Variants in CIB3 observed in about 807,000 individuals in gnomAD.
CIB3 encodes the protein calcium and integrin binding family member 3.
A neutral mutation model predicts 23.4 loss-of-function variants in CIB3; 22 were observed. The observed-to-expected ratio is 0.94, with a 90% confidence interval of 0.67 to 1.34. The LOEUF (loss-of-function observed/expected upper bound fraction) is 1.34, where lower values mean the gene tolerates loss of function less well. Ranked by LOEUF, CIB3 falls within the 40% of genes most tolerant of loss-of-function variation. The pLI is 0.00. For synonymous variants in CIB3, 93 were observed against 95.8 expected (o/e 0.97, Z 0.17); for missense variants, 258 against 247.3 (o/e 1.04, Z -0.29).
intron 2 of CIB3, 41 bp from the exon 3 acceptor site, chr19:16,169,782 G>A (rs1226793136): frequency 7.2e-6 from 11 of 1,531,522 alleles, no homozygotes; most frequent in Non-Finnish European, 9.7e-6. Context: ...CTGGGAGCAG[G>A]GAGCAGGCAA....
intron 2 of CIB3, among the ~76,000 whole-genome samples, chr19:16,172,473 C>T (rs958237404): frequency 4.6e-5 from 7 of 151,772 alleles, no homozygotes; most frequent in South Asian, 4.2e-4. Context: ...ATCTTTCTAA[C>T]GTGCTGATGG....
At chr19:16,173,109 A>G (rs2091336686) in intron 2 of CIB3, 53 bp downstream of exon 2, 1 of 1,607,888 alleles carries the variant, frequency 6.2e-7, no homozygotes, top group African/African-American at 1.3e-5. Context: ...TCCTCCAGCA[A>G]TGAATAGAAA....
chr19:16,161,764 G>A (rs2091285979), intron 5 of CIB3, among the ~76,000 whole-genome samples: 1 of 133,594 alleles, frequency 7.5e-6, no homozygotes, highest in Non-Finnish European at 1.5e-5. Context: ...TGCAACCTCT[G>A]CCTCCTGGGT....
At chr19:16,166,073 C>CCT (rs2091304618) in intron 4 of CIB3, among the ~76,000 whole-genome samples, 1 of 152,132 alleles carries the variant, frequency 6.6e-6, no homozygotes, top group Admixed American at 6.6e-5. Flanking sequence ...GGGTAGATCA[C>CCT]CTAAGGTCAG....
chr19:16,162,623 G>A (rs1303953192), intron 5 of CIB3, among the ~76,000 whole-genome samples: 3 of 151,774 alleles, frequency 2.0e-5, no homozygotes, highest in Non-Finnish European at 4.4e-5. Flanking sequence ...GCGTGGTGGC[G>A]GGCGCCTGTA....
chr19:16,164,736 C>T lies in CIB3; in HGVS notation c.524G>A (p.Arg175Gln), dbSNP rs761552234. The T allele has an allele frequency of 1.2e-5, 20 of 1,613,752 alleles. No homozygotes were observed. Among genetic ancestry groups the T allele is most frequent in the East Asian group, 8.9e-5 (4 of 44,880 alleles). ...SLEDFQNMIL[R>Q]APDFLSTFHI... ...GCATCACCTGAGGAAGTCTGGTGCCCGGAGGATCATGTTCTGGAAATCTTC... is the reference window on the plus strand; with the variant it reads ...GCATCACCTGAGGAAGTCTGGTGCCTGGAGGATCATGTTCTGGAAATCTTC... The change falls in exon 5 of 6, where the codon CGG becomes CAG. Residue 175 changes from arginine to glutamine, a missense_variant. Coordinates refer to ENST00000269878, the MANE Select transcript of CIB3 (RefSeq NM_054113.4).
chr19:16,169,075 T>C (rs1179334935), intron 3 of CIB3, among the ~76,000 whole-genome samples: 1 of 152,170 alleles, frequency 6.6e-6, no homozygotes, highest in East Asian at 1.9e-4. Flanking sequence ...ACACACCCTG[T>C]ACTGAATTTG....
intron 1 of CIB3, 97 bp from the exon 2 acceptor site, chr19:16,173,293 G>T: frequency 6.3e-7 from 1 of 1,584,572 alleles, no homozygotes; most frequent in Non-Finnish European, 8.7e-7. Context: ...ATGGCCTGAT[G>T]CTGCCACACA....
rs1463893871 is a variant in CIB3, at chr19:16,164,893, T to C, written c.367A>G (p.Ile123Val). 1 of 1,613,970 alleles carries C rather than the reference T, an allele frequency of 6.2e-7. No individual in the cohort carries two copies. Among genetic ancestry groups the C allele is most frequent in the Non-Finnish European group, 8.5e-7 (1 of 1,179,972 alleles). ...GTCTGCTCCAGGTCCCACGCACAAA[T>C]GTAGTCGTCGTTGTTAAAATCTGCA... The part of the protein sequence containing the change: ...KIYDFNNDDY[I>V]CAWDLEQTVT... Residue 123 changes from isoleucine to valine, a missense_variant, in exon 5 of 6, where the codon ATT (isoleucine) becomes GTT (valine). Transcript: ENST00000269878.
rs1422796322 is a variant in CIB3, at chr19:16,173,216, C to G, written c.52-20G>C. ...GCAGTCCTGTGGAGAGAGGTGTTGT[C>G]TTAACCCGAACCCTGCCTCTGGGGC... On this transcript the variant is annotated intron_variant, in intron 1 of 5. Transcript: ENST00000269878. The G allele has an allele frequency of 6.2e-7, 1 of 1,614,050 alleles. No homozygotes were observed. The highest frequency in any genetic ancestry group is 1.1e-5 in the South Asian group (1 of 91,068).
intron 2 of CIB3, among the ~76,000 whole-genome samples, chr19:16,172,044 G>A (rs971314160): frequency 1.2e-4 from 19 of 152,322 alleles, no homozygotes; most frequent in African/African-American, 4.6e-4. Flanking sequence ...CAGCAGCCTT[G>A]GGCCACCTCC....
intron 2 of CIB3, among the ~76,000 whole-genome samples, chr19:16,171,500 G>T (rs1208150912): frequency 6.6e-6 from 1 of 152,284 alleles, no homozygotes; most frequent in South Asian, 2.1e-4. Flanking sequence ...CTCAATGAAG[G>T]TGGGGTGGGG....
intron 5 of CIB3, 64 bp from the exon 6 acceptor site, chr19:16,161,550 C>G: frequency 6.4e-7 from 1 of 1,565,804 alleles, no homozygotes. Context: ...TCCTCCTCCC[C>G]CTCAACACGC....
chr19:16,168,136 C>G lies in CIB3; in HGVS notation c.346+1G>C, dbSNP rs1287106532. 18 of 1,605,942 alleles carry G rather than the reference C, an allele frequency of 1.1e-5. No homozygotes were observed. The highest frequency in any genetic ancestry group is 4.3e-6 in the Non-Finnish European group (5 of 1,176,368). On this transcript the variant is annotated splice_donor_variant, in intron 4 of 5. Coordinates refer to ENST00000269878, the MANE Select transcript of CIB3 (RefSeq NM_054113.4). LOFTEE classifies it high-confidence loss of function. ...TCCCAACCCCAGGGCCACGCACGCA[C>G]CATAAATTTTAAAAGCATAGTAAGC...
chr19:16,166,263 C>A (rs1249818769), intron 4 of CIB3, among the ~76,000 whole-genome samples: 1 of 152,042 alleles, frequency 6.6e-6, no homozygotes, highest in Non-Finnish European at 1.5e-5. Context: ...TGCACTCCAG[C>A]CTGGGCGACA....
rs375836179 is a variant in CIB3 at position 16,169,731 on chromosome 19, G to C, written c.97C>G (p.Arg33Gly). 3.1e-6 allele frequency: 5 copies of C among 1,608,940 alleles called. No homozygotes were observed. Among genetic ancestry groups the C allele is most frequent in the Non-Finnish European group, 4.2e-6 (5 of 1,177,636 alleles). The change falls in exon 3 of 6, where the codon CGC becomes GGC. Residue 33 changes from arginine (R) to glycine (G), a missense_variant. By Grantham distance (125) the Arg-to-Gly change is moderately radical. Coordinates refer to ENST00000269878, the MANE Select transcript of CIB3 (RefSeq NM_054113.4). ...AGCTGTGGGGCCAGGTCCTGGTAGC[G>C]ATAGAAGAGCCTGATGTGGGGAGGA... Reference protein sequence around the residue: ...TRKEIMRLFYRYQDLAPQLVP... With the variant: ...TRKEIMRLFYGYQDLAPQLVP...
intron 5 of CIB3, among the ~76,000 whole-genome samples, chr19:16,163,191 G>A (rs559179866): frequency 6.6e-6 from 1 of 152,240 alleles, no homozygotes; most frequent in African/African-American, 2.4e-5. Flanking sequence ...GAGCCGAGGA[G>A]TTAGAGGCTG....
At chr19:16,172,823 G>C (rs998432975) in intron 2 of CIB3, among the ~76,000 whole-genome samples, 2 of 151,630 alleles carry the variant, frequency 1.3e-5, no homozygotes, top group African/African-American at 4.8e-5. Context: ...GTGGTGGCTC[G>C]CACCAGTGGT....
chr19:16,165,230 T>C (rs962141682), intron 4 of CIB3, among the ~76,000 whole-genome samples: 2 of 140,544 alleles, frequency 1.4e-5, no homozygotes, highest in East Asian at 2.3e-4. Context: ...GAGGTGGAGG[T>C]TGCAGTGAGC....
Sources: allele counts gnomAD v4.1 joint callset (sites outside exome capture counted in the v4.1 genomes callset), GRCh38; gene constraint gnomAD v4.1.1; transcripts MANE v1.5; gene names NCBI Gene and HGNC (gene_info 2026-07-23, HGNC 2026-07-21).